Variants in ZYG11B observed in about 807,000 individuals in gnomAD.
The protein encoded by ZYG11B is zyg-11 family member B, cell cycle regulator, also known as protein zyg-11 homolog B.
Under a neutral mutation model 82.4 loss-of-function variants are expected in ZYG11B, and 36 were observed. The observed-to-expected ratio is 0.44, with a 90% CI of 0.33 to 0.58. ZYG11B has a LOEUF of 0.58. Ranked by LOEUF, ZYG11B falls within the 20% of genes least tolerant of loss-of-function variation. ZYG11B has a pLI of 0.02. For missense variants in ZYG11B, 552 were observed against 895.6 expected, an observed-to-expected ratio of 0.62 and a Z score of 4.90; for synonymous variants, 303 against 312.8, an observed-to-expected ratio of 0.97 and a Z score of 0.33.
intron 10 of ZYG11B, chr1:52,805,150 A>G (rs984146681): frequency 6.1e-6 from 1 of 164,098 alleles, no homozygotes; most frequent in African/African-American, 2.4e-5. Context: ...ATCCCTGCAC[A>G]GGGGTCATGC....
At chr1:52,768,129 A>G (rs1644714436) in intron 2 of ZYG11B, among the ~76,000 whole-genome samples, 1 of 152,176 alleles carries the variant, frequency 6.6e-6, no homozygotes, top group Non-Finnish European at 1.5e-5. Context: ...GTTTGGCTGA[A>G]GTAGAGCAGT....
At chr1:52,803,123 C>CACATATATATATAT (rs1553262802) in intron 10 of ZYG11B, among the ~76,000 whole-genome samples, 5 of 53,632 alleles carry the variant, frequency 9.3e-5, no homozygotes, top group Non-Finnish European at 1.1e-4. Context: ...TATATACACA[C>CACATATATATATAT]ATATATATAT....
chr1:52,802,069 T>C (rs201738120), intron 9 of ZYG11B, 23 bp from the exon 10 acceptor site: 5 of 1,593,860 alleles, frequency 3.1e-6, no homozygotes, highest in East Asian at 2.2e-5. Context: ...CAGGTAATTA[T>C]AGGTTTCTTT....
At chr1:52,796,524 A>G in intron 7 of ZYG11B, 133 bp downstream of exon 7, 1 of 934,710 alleles carries the variant, frequency 1.1e-6, no homozygotes, top group South Asian at 1.7e-5. Flanking sequence ...GCTACATTCG[A>G]TATTGCAGAA....
Position 52,774,609 on chromosome 1 carries a change from ATTTTTTTTTTT to A in ZYG11B, c.951+2851_951+2861del, listed in dbSNP as rs35043109. Among the ~76,000 whole-genome samples, 66 of 111,130 alleles carry A rather than the reference ATTTTTTTTTTT, an allele frequency of 5.9e-4. 1 individual carries two copies. Among genetic ancestry groups the A allele is most frequent in the East Asian group, 2.7e-3 (10 of 3,712 alleles). 72.9% of individuals were successfully genotyped at this position (111,130 alleles called of 152,430 possible). Reference sequence around the variant, plus strand: ...GGCGTGAGCCACTGTGCCTGGCCTAATTTTTTTTTTTTTTTTTTTTTTTTTTAGTGTTTTTG... The same window carrying A: ...GGCGTGAGCCACTGTGCCTGGCCTAATTTTTTTTTTTTTTTAGTGTTTTTG... On this transcript the variant is annotated intron_variant, in intron 3 of 13. Transcript: ENST00000294353.
intron 2 of ZYG11B, among the ~76,000 whole-genome samples, chr1:52,759,637 T>C (rs1325932462): frequency 6.6e-6 from 1 of 152,224 alleles, no homozygotes; most frequent in East Asian, 1.9e-4. Context: ...TTCTGAATTA[T>C]TTAATCTCTT....
chr1:52,797,583 A>T (rs1232165257), intron 8 of ZYG11B, among the ~76,000 whole-genome samples: 2 of 142,598 alleles, frequency 1.4e-5, no homozygotes, highest in Non-Finnish European at 3.0e-5. Flanking sequence ...ATCTCGGCTC[A>T]CTGAAAGCTC....
chr1:52,796,891 A>ATT (rs1469038620), intron 8 of ZYG11B, 107 bp downstream of exon 8: 1 of 111,254 alleles, frequency 9.0e-6, no homozygotes, highest in Non-Finnish European at 1.7e-5. Flanking sequence ...AATTATATAT[A>ATT]ATATATAATT....
intron 8 of ZYG11B, among the ~76,000 whole-genome samples, chr1:52,797,853 G>T (rs1004913109): frequency 5.3e-5 from 8 of 151,908 alleles, no homozygotes; most frequent in Non-Finnish European, 1.0e-4. Flanking sequence ...TAGGCATGCG[G>T]TGACCCACAC....
chr1:52,752,554 C>T (rs12082338), intron 1 of ZYG11B, among the ~76,000 whole-genome samples: 16,007 of 152,240 alleles, frequency 0.11, 1,871 homozygotes, highest in East Asian at 0.35. Context: ...TTCCTGAATT[C>T]TGTGAGTCAT....
chr1:52,760,760 CTT>C (rs35437248), intron 2 of ZYG11B, among the ~76,000 whole-genome samples: 59 of 104,610 alleles, frequency 5.6e-4, no homozygotes, highest in Middle Eastern at 5.1e-3. Context: ...GCCTGGCCTA[CTT>C]TTTTTTTTTT....
chr1:52,820,136 G>C (rs1308851838), intron 13 of ZYG11B, among the ~76,000 whole-genome samples: 1 of 151,192 alleles, frequency 6.6e-6, no homozygotes, highest in East Asian at 2.0e-4. Context: ...GGATGGTCTC[G>C]ATCTCCTGAC....
chr1:52,797,670 G>A (rs1442330923), intron 8 of ZYG11B, among the ~76,000 whole-genome samples: 2 of 149,164 alleles, frequency 1.3e-5, no homozygotes, highest in East Asian at 2.0e-4. Flanking sequence ...CACCATGCCC[G>A]GCTAATTTTT....
Position 52,768,189 on chromosome 1 carries a change from C to T in ZYG11B, c.197-2831C>T, listed in dbSNP as rs114736109. 8.2e-3 allele frequency among the ~76,000 whole-genome samples: 1,245 copies of T among 152,262 alleles called. 17 individuals carry two copies. In the Middle Eastern group the frequency reaches 0.13, roughly 16 times the overall value. Reference sequence around the variant, plus strand: ...CTTACTAGTTGCTGCTTTCCTGGTACGTTGGCTAGAGAGAGCAGATTTTGG... The same window carrying T: ...CTTACTAGTTGCTGCTTTCCTGGTATGTTGGCTAGAGAGAGCAGATTTTGG... On this transcript the variant is annotated intron_variant, in intron 2 of 13. Coordinates refer to ENST00000294353, the MANE Select transcript of ZYG11B (RefSeq NM_024646.3).
At chr1:52,804,894 C>T (rs1000391130) in intron 10 of ZYG11B, among the ~76,000 whole-genome samples, 1 of 151,876 alleles carries the variant, frequency 6.6e-6, no homozygotes, top group African/African-American at 2.4e-5. Flanking sequence ...GAGTTCGAGA[C>T]CAGCCTGACC....
At chr1:52,781,506 GA>G (rs574832110) in intron 4 of ZYG11B, among the ~76,000 whole-genome samples, 11 of 146,448 alleles carry the variant, frequency 7.5e-5, no homozygotes, top group African/African-American at 2.0e-4. Flanking sequence ...TCTTAAAAGA[GA>G]AAAAAAAAAG....
chr1:52,816,778 T>TTA, intron 13 of ZYG11B, 149 bp downstream of exon 13: 3 of 484,108 alleles, frequency 6.2e-6, no homozygotes, highest in Non-Finnish European at 7.1e-6. Context: ...ACTTAAGGTA[T>TTA]TCTTTTTTTT....
At chr1:52,779,180 C>T (rs1011665920) in intron 3 of ZYG11B, among the ~76,000 whole-genome samples, 2 of 151,862 alleles carry the variant, frequency 1.3e-5, no homozygotes, top group Admixed American at 6.6e-5. Flanking sequence ...GCTTGACTTA[C>T]GGAAAGGTGA....
chr1:52,755,840 C>T (rs1350715430), intron 1 of ZYG11B, among the ~76,000 whole-genome samples: 1 of 152,126 alleles, frequency 6.6e-6, no homozygotes, highest in African/African-American at 2.4e-5. Context: ...CACTCTATCA[C>T]CCAGGCTGGA....
Sources: allele counts gnomAD v4.1 joint callset (sites outside exome capture counted in the v4.1 genomes callset), GRCh38; gene constraint gnomAD v4.1.1; transcripts MANE v1.5; gene names NCBI Gene and HGNC (gene_info 2026-07-23, HGNC 2026-07-21).